Variants in C12orf76 observed in about 807,000 individuals in gnomAD.
C12orf76 encodes the protein uncharacterized protein C12orf76.
In C12orf76, 6 loss-of-function variants were observed where a neutral mutation model predicts 6.8. The observed-to-expected ratio is 0.88, with a 90% CI of 0.48 to 1.73. The LOEUF (loss-of-function observed/expected upper bound fraction) is 1.73, where lower values mean the gene tolerates loss of function less well. Ranked by LOEUF, C12orf76 falls within the 40% of genes most tolerant of loss-of-function variation. C12orf76 has a pLI of 0.01. For synonymous variants in C12orf76, 56 were observed against 43.7 expected, an observed-to-expected ratio of 1.28 and a Z score of -1.11; for missense variants, 99 against 98.2, an observed-to-expected ratio of 1.01 and a Z score of -0.03.
intron 1 of C12orf76, among the ~76,000 whole-genome samples, chr12:110,047,672 G>A (rs186459123): frequency 1.0e-3 from 153 of 152,130 alleles, no homozygotes; most frequent in Admixed American, 3.0e-3. Flanking sequence ...TGACAGAGGA[G>A]ACACTATTGT....
chr12:110,062,828 C>T (rs1269920315), intron 2 of C12orf76, among the ~76,000 whole-genome samples: 1 of 115,938 alleles, frequency 8.6e-6, no homozygotes, highest in South Asian at 2.9e-4. Flanking sequence ...GAGATGGGAT[C>T]TCAATTTGTT....
chr12:110,058,907 A>G (rs928016227), intron 3 of C12orf76: 5 of 1,425,498 alleles, frequency 3.5e-6, no homozygotes, highest in Non-Finnish European at 4.7e-6. Context: ...GCTGACATAT[A>G]TTAACTTTTG....
chr12:110,045,123 C>T (rs1319418098), intron 1 of C12orf76, among the ~76,000 whole-genome samples: 3 of 152,202 alleles, frequency 2.0e-5, no homozygotes, highest in East Asian at 1.9e-4. Context: ...CTCCAACCTA[C>T]GTGAACTAAA....
chr12:110,045,324 G>A (rs1892421742), intron 1 of C12orf76, among the ~76,000 whole-genome samples: 1 of 152,152 alleles, frequency 6.6e-6, no homozygotes, highest in South Asian at 2.1e-4. Context: ...TGTGCGCAGC[G>A]GCTCAAGCCT....
intron 3 of C12orf76, chr12:110,057,383 G>T: frequency 1.2e-6 from 1 of 834,116 alleles, no homozygotes; most frequent in Non-Finnish European, 2.0e-6. Context: ...ACTAACCCAG[G>T]GCCAACAGAC....
intron 1 of C12orf76, among the ~76,000 whole-genome samples, chr12:110,046,370 G>C (rs1332379557): frequency 6.6e-6 from 1 of 152,244 alleles, no homozygotes. Flanking sequence ...AGGCTGCAGT[G>C]AGCTGAGACC....
chr12:110,045,930 G>A, intron 1 of C12orf76: 1 of 216,016 alleles, frequency 4.6e-6, no homozygotes. Context: ...TTGCACTCCA[G>A]ATTGGGCAAC....
chr12:110,071,612 A>C (rs1350275610), upstream of C12orf76, among the ~76,000 whole-genome samples: 1 of 152,110 alleles, frequency 6.6e-6, no homozygotes, highest in Non-Finnish European at 1.5e-5. Context: ...ATTATAAAAT[A>C]AGTTGCCTTG....
intron 1 of C12orf76, among the ~76,000 whole-genome samples, chr12:110,043,876 A>AC (rs1892381892): frequency 5.9e-5 from 9 of 152,054 alleles, no homozygotes; most frequent in African/African-American, 2.2e-4. Flanking sequence ...AAAACAAAAA[A>AC]AAAAATGTTA....
exon 4 of C12orf76, chr12:110,057,275 G>C (rs760520874): frequency 2.5e-6 from 4 of 1,613,658 alleles, no homozygotes; most frequent in Non-Finnish European, 3.4e-6. Flanking sequence ...TTTCAGCAAA[G>C]TTCCTCTCCC....
chr12:110,043,411 A>G (rs1892368057), intron 1 of C12orf76, among the ~76,000 whole-genome samples: 1 of 151,974 alleles, frequency 6.6e-6, no homozygotes, highest in Non-Finnish European at 1.5e-5. Flanking sequence ...TTGTGTGGAG[A>G]ATTGTTTGAC....
chr12:110,054,010 G>A (rs933522407), upstream of C12orf76, among the ~76,000 whole-genome samples: 2 of 152,086 alleles, frequency 1.3e-5, no homozygotes, highest in South Asian at 2.1e-4. The surrounding 1 kb of genome is among the most constrained non-coding windows in gnomAD (Gnocchi z 4.4). Context: ...AGGAGGTCAA[G>A]GCTATGGTAA....
At chr12:110,049,561 T>A (rs908658578), upstream of C12orf76, 3 of 152,140 alleles carry the variant, frequency 2.0e-5, no homozygotes, top group African/African-American at 7.2e-5. Flanking sequence ...TTCTTAAGGT[T>A]GGGGGAGATT....
intron 2 of C12orf76, among the ~76,000 whole-genome samples, chr12:110,060,069 A>G (rs1235783755): frequency 1.3e-5 from 2 of 152,112 alleles, no homozygotes; most frequent in Admixed American, 6.5e-5. Context: ...TCTACTAAAA[A>G]TACAAAATTA....
At chr12:110,072,625 A>T (rs979463904), upstream of C12orf76, among the ~76,000 whole-genome samples, 9 of 152,004 alleles carry the variant, frequency 5.9e-5, no homozygotes, top group African/African-American at 1.9e-4. Context: ...TGTTTCTTTT[A>T]GAAAAAACAA....
chr12:110,050,340 C>A (rs1177477405), upstream of C12orf76: 1 of 152,598 alleles, frequency 6.6e-6, no homozygotes, highest in Non-Finnish European at 1.5e-5. Flanking sequence ...ATGTGCAATA[C>A]AAATGTCAGA....
rs1892328537 is a variant in C12orf76, at chr12:110,042,058, A to G, written c.*316T>C. 2.6e-6 allele frequency: 1 copy of G among 378,274 alleles called. No homozygotes were observed. The highest frequency in any genetic ancestry group is 4.9e-6 in the Non-Finnish European group (1 of 203,932). 23.4% of individuals were successfully genotyped at this position (378,274 alleles called of 1,614,324 possible). ...TCTTTACAGTGTGGTTCTTACAGGC[A>G]CTCACAAGGTTACCATGTTTTCTTT... On this transcript the variant is annotated 3_prime_UTR_variant, in exon 2 of 2. Coordinates refer to ENST00000615315, the MANE Select transcript of C12orf76 (RefSeq NM_001389625.1).
At chr12:110,073,542 A>G in exon 1 of C12orf76, 4 of 515,418 alleles carry the variant, frequency 7.8e-6, no homozygotes, top group South Asian at 5.7e-5. Flanking sequence ...GCAGGCTGGC[A>G]CGGTTACAGC....
At chr12:110,052,194 CCTT>C (rs1467411789), upstream of C12orf76, among the ~76,000 whole-genome samples, 2 of 149,526 alleles carry the variant, frequency 1.3e-5, no homozygotes, top group East Asian at 2.0e-4. Context: ...CCGTGCCCGG[CCTT>C]CTTTTTTTTT....
Sources: gnomAD v4.1 joint callset for allele counts (sites outside exome capture counted in the v4.1 genomes callset) on GRCh38, gnomAD v4.1.1 for gene constraint, Gnocchi (gnomAD v3.1) non-coding constraint, MANE v1.5 for transcripts, NCBI Gene and HGNC (gene_info 2026-07-23, HGNC 2026-07-21) for gene names.